CRACDL: variants seen among roughly 807,000 people sequenced by gnomAD.
The protein encoded by CRACDL is CRACD-like protein.
Under a neutral mutation model 70.6 loss-of-function variants are expected in CRACDL, and 26 were observed. The observed-to-expected ratio is 0.37, with a 90% CI of 0.27 to 0.51. The LOEUF (loss-of-function observed/expected upper bound fraction) is 0.51, where lower values mean the gene tolerates loss of function less well. Among genes scored for constraint, CRACDL ranks in the 20% least tolerant of loss-of-function variants. CRACDL has a pLI of 0.94. For missense variants in CRACDL, 1,283 were observed against 1,376.9 expected, an observed-to-expected ratio of 0.93 and a Z score of 1.08; for synonymous variants, 618 against 615.2, an observed-to-expected ratio of 1.00 and a Z score of -0.07.
chr2:98,817,265 C>G (rs138517507), intron 7 of CRACDL, among the ~76,000 whole-genome samples: 2 of 152,114 alleles, frequency 1.3e-5, no homozygotes, highest in Admixed American at 1.3e-4. Context: ...AAGAAGAGTA[C>G]GTTCTAGAGA....
At chr2:98,906,735 G>A (rs566740476) in intron 1 of CRACDL, among the ~76,000 whole-genome samples, 2 of 152,122 alleles carry the variant, frequency 1.3e-5, no homozygotes, top group Non-Finnish European at 2.9e-5. Flanking sequence ...TCATTGTCCT[G>A]CCTGTCTAGT....
intron 7 of CRACDL, among the ~76,000 whole-genome samples, chr2:98,798,083 C>T (rs774074601): frequency 1.3e-5 from 2 of 152,180 alleles, no homozygotes; most frequent in African/African-American, 2.4e-5. Flanking sequence ...GTGGCGCATG[C>T]CTGTAATCCC....
intron 2 of CRACDL, among the ~76,000 whole-genome samples, chr2:98,841,548 G>C (rs1036699208): frequency 3.3e-5 from 5 of 152,178 alleles, no homozygotes; most frequent in Admixed American, 6.5e-5. Flanking sequence ...TCACACAGGT[G>C]TATCCACTTG....
intron 1 of CRACDL, among the ~76,000 whole-genome samples, chr2:98,907,157 T>C (rs1708435577): frequency 6.6e-6 from 1 of 152,114 alleles, no homozygotes; most frequent in African/African-American, 2.4e-5. Flanking sequence ...CTGGGCATGG[T>C]GGTGGGCACC....
chr2:98,926,772 T>C (rs1203706987), intron 1 of CRACDL, among the ~76,000 whole-genome samples: 1 of 152,188 alleles, frequency 6.6e-6, no homozygotes, highest in Non-Finnish European at 1.5e-5. Context: ...TGAAAAAACA[T>C]TGGCTATTAA....
chr2:98,846,723 G>C lies in CRACDL; in HGVS notation c.70+8C>G, dbSNP rs760021787. ...GCCCTCCCCAGAGCAGGGGAAGCAG[G>C]GCCTTACCTGTGCTGTCCTCCCCAA... On this transcript the variant is annotated splice_region_variant and intron_variant, in intron 2 of 9. Transcript: ENST00000397899. The C allele has an allele frequency of 3.2e-5, 52 of 1,613,178 alleles. No individual in the cohort carries two copies. In the Admixed American group the frequency reaches 8.3e-4, roughly 26 times the overall value.
intron 1 of CRACDL, among the ~76,000 whole-genome samples, chr2:98,867,887 A>G (rs1302628427): frequency 6.6e-6 from 1 of 152,236 alleles, no homozygotes; most frequent in Non-Finnish European, 1.5e-5. Flanking sequence ...ATACTGCTTC[A>G]TTTATCTAGA....
intron 6 of CRACDL, among the ~76,000 whole-genome samples, chr2:98,825,133 G>T (rs918788159): frequency 1.3e-5 from 2 of 152,170 alleles, no homozygotes; most frequent in African/African-American, 4.8e-5. Context: ...TGGGAAGAGG[G>T]ACCTCATGAC....
chr2:98,794,677 T>C lies in CRACDL; in HGVS notation c.2750-6A>G, dbSNP rs2104385486. ...CATCATCACTGCAGACTGAGCTGCT[T>C]GGAAGGGAGACAAAACCAACAGAAA... is the stretch of plus-strand genomic sequence containing the variant. On this transcript the variant is annotated splice_region_variant and splice_polypyrimidine_tract_variant and intron_variant, in intron 9 of 9. Transcript: ENST00000397899. 4 of 1,604,536 alleles carry C rather than the reference T, an allele frequency of 2.5e-6. 1 individual carries two copies. In the Middle Eastern group the frequency reaches 6.6e-4, roughly 266 times the overall value.
In CRACDL at chr2:98,822,463, C is replaced by A; in HGVS notation, c.1810G>T (p.Gly604Cys). The A allele has an allele frequency of 6.8e-7, 1 of 1,476,834 alleles. No homozygotes were observed. The highest frequency in any genetic ancestry group is 8.9e-7 in the Non-Finnish European group (1 of 1,121,878). 91.5% of individuals were successfully genotyped at this position (1,476,834 alleles called of 1,614,324 possible). A position where few individuals can be genotyped will look rare whatever the true frequency, so the allele number is the denominator to read the frequency against. ...GCCGCCTCGCTCCTCCAGACCGGGCCGCTCCTCGCGAGGGGCAGGCGGCCG... is the reference window on the plus strand; with the variant it reads ...GCCGCCTCGCTCCTCCAGACCGGGCAGCTCCTCGCGAGGGGCAGGCGGCCG... The part of the protein sequence containing the change: ...ASGRLPLARS[G>C]PVWRSEAALD... The change falls in exon 7 of 10, where the codon GGC becomes TGC. Residue 604 changes from glycine (G) to cysteine (C), a missense_variant. Physicochemically the swap from Gly to Cys is radical, Grantham distance 159. Around this residue, in one of 2 missense-constraint regions of CRACDL, gnomAD observed 921 missense variants for 881.9 expected, o/e 1.04. Transcript: ENST00000397899. The surrounding 1 kb of genome is among the most constrained non-coding windows in gnomAD (Gnocchi z 4.9).
intron 1 of CRACDL, among the ~76,000 whole-genome samples, chr2:98,927,916 C>T (rs1012201273): frequency 6.6e-6 from 1 of 151,460 alleles, no homozygotes; most frequent in African/African-American, 2.5e-5. Flanking sequence ...TGCAGTGGCT[C>T]ATGCCTGTAA....
intron 1 of CRACDL, among the ~76,000 whole-genome samples, chr2:98,890,439 G>C (rs1707931982): frequency 6.6e-6 from 1 of 152,128 alleles, no homozygotes. Context: ...TACCAAAACT[G>C]ACTAAAGAAG....
In CRACDL at chr2:98,827,315, TCCC is replaced by T. The variant is rs933535475; in HGVS notation, c.541-149_541-147del. 13 of 615,686 alleles carry T rather than the reference TCCC, an allele frequency of 2.1e-5. No homozygotes were observed. The African/African-American group carries it at 2.4e-4, about 11-fold the overall frequency. 38.1% of individuals were successfully genotyped at this position (615,686 alleles called of 1,614,324 possible). ...TGTGTGGAAATACTTTCTTTTTTTT[TCCC>T]CCAAGATGGAGTCTTGTTCTGTCAC... On this transcript the variant is annotated intron_variant, in intron 5 of 9. Coordinates refer to ENST00000397899, the MANE Select transcript of CRACDL (RefSeq NM_207362.3).
chr2:98,870,971 G>T (rs773392353), intron 1 of CRACDL, among the ~76,000 whole-genome samples: 23 of 152,232 alleles, frequency 1.5e-4, no homozygotes, highest in Non-Finnish European at 3.2e-4. Flanking sequence ...GAATGCCCAG[G>T]GACCGCGAGA....
rs1490011977 is a variant in CRACDL at position 98,796,203 on chromosome 2, G to T, written c.2666C>A (p.Pro889His). Residue 889 changes from proline to histidine, a missense_variant, in exon 9 of 10, where the codon CCC becomes CAC. By Grantham distance (77) the Pro-to-His change is moderately conservative. Around this residue, in one of 2 missense-constraint regions of CRACDL, gnomAD observed 921 missense variants for 881.9 expected, o/e 1.04. Coordinates refer to ENST00000397899, the MANE Select transcript of CRACDL (RefSeq NM_207362.3). ...TGCCCCCTGCTTCCGGTCCACAGCG[G>T]GCTTCACAGGGGTTATCAGGAAAGA... The part of the protein sequence containing the change: ...SKSFLITPVK[P>H]AVDRKQGAKL... 6.2e-7 allele frequency: 1 copy of T among 1,614,038 alleles called. No individual in the cohort carries two copies. The highest frequency in any genetic ancestry group is 2.2e-5 in the East Asian group (1 of 44,902).
At chr2:98,855,328 T>C (rs1414529281) in intron 1 of CRACDL, among the ~76,000 whole-genome samples, 1 of 152,028 alleles carries the variant, frequency 6.6e-6, no homozygotes, top group Non-Finnish European at 1.5e-5. Flanking sequence ...AGTACATATG[T>C]GATTTTCTGA....
intron 3 of CRACDL, among the ~76,000 whole-genome samples, chr2:98,837,061 G>A (rs1271873990): frequency 6.7e-6 from 1 of 149,318 alleles, no homozygotes; most frequent in African/African-American, 2.5e-5. Context: ...CTCCAGCCTG[G>A]GCGACAGAGC....
chr2:98,839,460 C>A (rs1041223305), intron 2 of CRACDL, among the ~76,000 whole-genome samples: 4 of 152,152 alleles, frequency 2.6e-5, no homozygotes, highest in Non-Finnish European at 5.9e-5. Flanking sequence ...GTCAGGACAC[C>A]CTGTGGCTTT....
intron 7 of CRACDL, among the ~76,000 whole-genome samples, chr2:98,798,249 G>A (rs1309651364): frequency 6.6e-6 from 1 of 152,050 alleles, no homozygotes; most frequent in Non-Finnish European, 1.5e-5. Context: ...GGAGACTGTG[G>A]CAGGACAATC....
Sources: gnomAD v4.1 joint callset for allele counts (sites outside exome capture counted in the v4.1 genomes callset) on GRCh38, gnomAD v4.1.1 for gene constraint, gnomAD v4.1.1 regional missense constraint, Gnocchi (gnomAD v3.1) non-coding constraint, MANE v1.5 for transcripts, NCBI Gene and HGNC (gene_info 2026-07-23, HGNC 2026-07-21) for gene names.